Variants in CTPS1 observed in about 807,000 individuals in gnomAD.
CTPS1 encodes CTP synthetase 1.
CTPS1 carries 25 observed loss-of-function variants against 80.5 expected under a neutral mutation model. That is an observed-to-expected ratio of 0.31 (90% CI 0.23 to 0.43). The LOEUF is 0.43. Ranked by LOEUF, CTPS1 falls within the 20% of genes least tolerant of loss-of-function variation. The pLI is 1.00. For missense variants in CTPS1, 442 were observed against 725.7 expected, an observed-to-expected ratio of 0.61 and a Z score of 4.49; for synonymous variants, 267 against 252.5, an observed-to-expected ratio of 1.06 and a Z score of -0.54.
At chr1:41,003,874 C>CTCCT (rs2148414679) in intron 12 of CTPS1, 1 of 152,416 alleles carries the variant, frequency 6.6e-6, no homozygotes, top group South Asian at 2.1e-4. Context: ...AGATGGCACA[C>CTCCT]TCCTGCCTTG....
Position 41,008,576 on chromosome 1 carries a change from G to C in CTPS1, c.1394-83G>C, listed in dbSNP as rs1305085552. ...GACCTGGCTGTGTGGATGATGAAAA[G>C]TAAAGCAGGAAGGAGGATGTCTTTG... On this transcript the variant is annotated intron_variant, in intron 14 of 18. Coordinates refer to ENST00000650070, the MANE Select transcript of CTPS1 (RefSeq NM_001905.4). 4 of 1,456,966 alleles carry C rather than the reference G, an allele frequency of 2.7e-6. No individual in the cohort carries two copies. The Admixed American group carries it at 5.0e-5, about 18-fold the overall frequency. 90.3% of individuals were successfully genotyped at this position (1,456,966 alleles called of 1,614,324 possible). A position where few individuals can be genotyped will look rare whatever the true frequency, so the allele number is the denominator to read the frequency against.
Position 40,984,954 on chromosome 1 carries a change from G to A in CTPS1, c.300G>A (p.Lys100=). 1.9e-6 allele frequency: 3 copies of A among 1,589,290 alleles called. No individual in the cohort carries two copies. Among genetic ancestry groups the A allele is most frequent in the South Asian group, 2.3e-5 (2 of 87,908 alleles). The part of the protein sequence containing the change: ...TGKIYQYVIN[K]ERKGDYLGKT... ...AGATATACCAGTATGTCATTAACAA[G>A]GAACGGAAAGGAGATTACTTGGGGA... The change falls in exon 3 of 19, where the codon AAG becomes AAA. Residue 100 remains lysine, a synonymous_variant. Coordinates refer to ENST00000650070, the MANE Select transcript of CTPS1 (RefSeq NM_001905.4).
Position 40,997,527 on chromosome 1 carries a change from G to C in CTPS1, c.1005+1G>C. The C allele has an allele frequency of 6.2e-7, 1 of 1,613,750 alleles. No homozygotes were observed. The highest frequency in any genetic ancestry group is 2.2e-5 in the East Asian group (1 of 44,874). ...CATCAACCACAAATTGGAAATCAAG[G>C]TAAGGAGGGTGGCACAGGTACAGCC... On this transcript the variant is annotated splice_donor_variant, in intron 9 of 18. Transcript: ENST00000650070. LOFTEE classifies it high-confidence loss of function.
chr1:41,001,601 ATAT>A (rs36057096), intron 10 of CTPS1: 16,404 of 158,908 alleles, frequency 0.1, 1,226 homozygotes, highest in East Asian at 0.27. Context: ...TAAATTGTTA[ATAT>A]TAATATATGT....
At chr1:41,003,237 C>A (rs938216794) in intron 12 of CTPS1, 61 bp downstream of exon 12, 25 of 1,564,254 alleles carry the variant, frequency 1.6e-5, no homozygotes, top group Non-Finnish European at 2.2e-5. Flanking sequence ...GGATATGAGG[C>A]CTGTTGCCGC....
intron 1 of CTPS1, among the ~76,000 whole-genome samples, chr1:40,982,388 G>C (rs980469355): frequency 7.0e-6 from 1 of 142,890 alleles, no homozygotes; most frequent in African/African-American, 2.5e-5. Flanking sequence ...TTATAGAAGA[G>C]AACTACTTTT....
chr1:41,001,050 G>C lies in CTPS1; in HGVS notation c.1027G>C (p.Glu343Gln). ...CCAGTACATAGATTCTGCGGACTTG[G>C]AGCCCATCACCTCGCAAGAAGAGCC... ...EIKYIDSADL[E>Q]PITSQEEPVR... Residue 343 changes from glutamate (E) to glutamine (Q), a missense_variant, in exon 10 of 19, where the codon GAG (glutamate) becomes CAG (glutamine). Glu to Gln is a conservative substitution (Grantham distance 29). This residue lies in a region of CTPS1 where 321 missense variants were observed against 467.2 expected (regional missense o/e 0.69). Transcript: ENST00000650070. 6.2e-7 allele frequency: 1 copy of C among 1,612,212 alleles called. No individual in the cohort carries two copies. The highest frequency in any genetic ancestry group is 8.5e-7 in the Non-Finnish European group (1 of 1,179,334).
At chr1:41,001,006 T>TC in intron 9 of CTPS1, 23 bp from the exon 10 acceptor site, 1 of 1,562,000 alleles carries the variant, frequency 6.4e-7, no homozygotes, top group Non-Finnish European at 8.7e-7. Flanking sequence ...CCTGCTTTTC[T>TC]CCCCTGTCTG....
chr1:40,998,685 C>T (rs923880003), intron 9 of CTPS1, among the ~76,000 whole-genome samples: 41 of 152,184 alleles, frequency 2.7e-4, no homozygotes, highest in African/African-American at 9.4e-4. Context: ...TCCTTTTCTT[C>T]CTGGCCCATC....
At chr1:41,005,813 C>T (rs183644920) in intron 12 of CTPS1, among the ~76,000 whole-genome samples, 25 of 151,970 alleles carry the variant, frequency 1.6e-4, no homozygotes, top group Admixed American at 7.2e-4. Context: ...CTGAGGCTGG[C>T]GGATTGCTTG....
rs978945525 is a variant in CTPS1 at position 41,009,618 on chromosome 1, A to G, written c.1691+29A>G. On this transcript the variant is annotated intron_variant, in intron 17 of 18. Transcript: ENST00000650070. ...GGCGCACTCTTTGCTTCAGTAATCC[A>G]TTAGTCTTCTCTAGTCCTTTAGGTG... is the stretch of plus-strand genomic sequence containing the variant. 5.6e-6 allele frequency: 9 copies of G among 1,612,854 alleles called. No homozygotes were observed. The Admixed American group carries it at 1.2e-4, about 21-fold the overall frequency.
intron 11 of CTPS1, 90 bp from the exon 12 acceptor site, chr1:41,003,024 A>G: frequency 8.1e-7 from 1 of 1,237,056 alleles, no homozygotes; most frequent in South Asian, 1.2e-5. Flanking sequence ...CTCCAAATAA[A>G]GGACACAAAG....
chr1:41,003,784 C>G (rs1457946443), intron 12 of CTPS1, among the ~76,000 whole-genome samples: 1 of 152,226 alleles, frequency 6.6e-6, no homozygotes. Flanking sequence ...CAGTGGCTCC[C>G]AACAGCAGTG....
At chr1:41,010,118 GT>G in intron 17 of CTPS1, 42 bp from the exon 18 acceptor site, 2 of 1,467,194 alleles carry the variant, frequency 1.4e-6, no homozygotes, top group Non-Finnish European at 1.9e-6. Flanking sequence ...CGTAAAGTGA[GT>G]TTTTGGTGGG....
In CTPS1 at chr1:41,007,335, A is replaced by G; in HGVS notation, c.1297-114A>G. ...CTGTGACAAAATGTCTCATAAGGAA[A>G]GCCTGGAGAATTAGAGCTTACTTAC... On this transcript the variant is annotated intron_variant, in intron 13 of 18. Coordinates refer to ENST00000650070, the MANE Select transcript of CTPS1 (RefSeq NM_001905.4). The surrounding 1 kb of genome is among the most constrained non-coding windows in gnomAD (Gnocchi z 4.4). 1 of 835,540 alleles carries G rather than the reference A, an allele frequency of 1.2e-6. No homozygotes were observed. The highest frequency in any genetic ancestry group is 1.9e-6 in the Non-Finnish European group (1 of 521,812). The allele number at this position is 835,540 out of a possible 1,614,324, so 51.8% of individuals were successfully genotyped here.
At chr1:41,008,419 G>A (rs1447770368) in intron 14 of CTPS1, among the ~76,000 whole-genome samples, 1 of 152,146 alleles carries the variant, frequency 6.6e-6, no homozygotes, top group Non-Finnish European at 1.5e-5. Context: ...GTTTGAGGGT[G>A]GTGGTGAGAG....
chr1:40,980,318 C>G (rs993609629), intron 1 of CTPS1: 2 of 152,030 alleles, frequency 1.3e-5, no homozygotes, highest in Non-Finnish European at 2.9e-5. Context: ...CCGCCCGGGG[C>G]TGGGCGCGGC....
chr1:40,993,820 T>C (rs7537689), intron 7 of CTPS1, among the ~76,000 whole-genome samples: 48,287 of 135,970 alleles, frequency 0.36, 9,758 homozygotes, highest in Admixed American at 0.51. Context: ...GATCTGTTGC[T>C]CAGACTGTAG....
intron 4 of CTPS1, 114 bp downstream of exon 4, chr1:40,987,586 A>G: frequency 2.7e-6 from 2 of 741,558 alleles, no homozygotes; most frequent in East Asian, 2.7e-5. Flanking sequence ...CTGGTGCAGT[A>G]TGTTGCAATG....
Sources: gnomAD v4.1 joint callset for allele counts (sites outside exome capture counted in the v4.1 genomes callset) on GRCh38, gnomAD v4.1.1 for gene constraint, gnomAD v4.1.1 regional missense constraint, Gnocchi (gnomAD v3.1) non-coding constraint, MANE v1.5 for transcripts, NCBI Gene and HGNC (gene_info 2026-07-23, HGNC 2026-07-21) for gene names.